Variants in UST observed in about 807,000 individuals in gnomAD.
UST encodes chondroitin sulfate 2-O-sulfotransferase.
A neutral mutation model predicts 45.6 loss-of-function variants in UST; 21 were observed. The ratio of observed to expected loss-of-function variants is 0.46; its 90% CI spans 0.33 to 0.66. The LOEUF is 0.66. Ranked by LOEUF, UST falls within the 30% of genes least tolerant of loss-of-function variation. The pLI, the probability that UST is intolerant of heterozygous loss-of-function variation, is 0.02. For synonymous variants in UST, 215 were observed against 200.6 expected (o/e 1.07, Z -0.61); for missense variants, 463 against 512.4 (o/e 0.90, Z 0.93).
chr6:149,009,560 A>AACACACACACAC (rs113280120), intron 5 of UST, among the ~76,000 whole-genome samples: 1,658 of 143,120 alleles, frequency 0.012, 28 homozygotes, highest in African/African-American at 0.033. Context: ...CTGATGTTAA[A>AACACACACACAC]ACACACACAC....
At chr6:148,878,844 T>G (rs1478818348) in intron 1 of UST, among the ~76,000 whole-genome samples, 1 of 151,444 alleles carries the variant, frequency 6.6e-6, no homozygotes, top group Non-Finnish European at 1.5e-5. Flanking sequence ...AGTATGGGGA[T>G]TATGTGTGAG....
At chr6:148,883,098 A>G (rs117413810) in intron 1 of UST, among the ~76,000 whole-genome samples, 9 of 152,370 alleles carry the variant, frequency 5.9e-5, no homozygotes, top group Non-Finnish European at 1.3e-4. Flanking sequence ...TGTAGACATA[A>G]CTGTTAAGAC....
At chr6:148,895,108 G>A (rs148781447) in intron 2 of UST, among the ~76,000 whole-genome samples, 5 of 152,022 alleles carry the variant, frequency 3.3e-5, no homozygotes, top group Non-Finnish European at 5.9e-5. Context: ...GAGCCACTGC[G>A]CCTGGCATTT....
chr6:148,987,092 G>A (rs1781251611), intron 5 of UST, among the ~76,000 whole-genome samples: 1 of 131,362 alleles, frequency 7.6e-6, no homozygotes, highest in Non-Finnish European at 1.8e-5. Flanking sequence ...ACCTCAAGAT[G>A]ACCATTTAAG....
chr6:148,969,295 G>A (rs910727739), intron 5 of UST, among the ~76,000 whole-genome samples: 1 of 152,188 alleles, frequency 6.6e-6, no homozygotes, highest in East Asian at 1.9e-4. Context: ...TGCTTTTTAA[G>A]TGTTTCAGTA....
intron 5 of UST, among the ~76,000 whole-genome samples, chr6:149,006,795 G>C (rs1331740541): frequency 1.3e-5 from 2 of 152,142 alleles, no homozygotes; most frequent in African/African-American, 4.8e-5. Context: ...ATTCTGACTG[G>C]TGTGAGATGG....
chr6:148,780,128 TACAC>T (rs34775441), intron 1 of UST, among the ~76,000 whole-genome samples: 32 of 149,592 alleles, frequency 2.1e-4, no homozygotes, highest in African/African-American at 5.9e-4. Flanking sequence ...TGTATATATA[TACAC>T]ACACACACAC....
At chr6:148,880,127 G>A (rs1374738463) in intron 1 of UST, among the ~76,000 whole-genome samples, 5 of 148,914 alleles carry the variant, frequency 3.4e-5, no homozygotes, top group Admixed American at 3.4e-4. Context: ...GCTAATTTTT[G>A]TATTTTTAGT....
At chr6:149,017,954 A>C (rs1200466823) in intron 5 of UST, among the ~76,000 whole-genome samples, 1 of 152,124 alleles carries the variant, frequency 6.6e-6, no homozygotes, top group Non-Finnish European at 1.5e-5. Context: ...GGCTGGACAG[A>C]CATATGCACC....
In UST at chr6:148,916,189, A is replaced by G. The variant is rs566424957; in HGVS notation, c.292-25090A>G. Among the ~76,000 whole-genome samples the G allele has an allele frequency of 2.0e-5, 3 of 152,222 alleles. 1 individual carries two copies. The South Asian group carries it at 6.2e-4, about 32-fold the overall frequency. ...CACTGTTTTGGGTAGTTTACATTTA[A>G]ACATCACAGGCCATAATATTGGCGT... is the stretch of plus-strand genomic sequence containing the variant. On this transcript the variant is annotated intron_variant, in intron 2 of 7. Transcript: ENST00000367463.
chr6:149,037,365 C>G (rs905255656), intron 7 of UST, among the ~76,000 whole-genome samples: 3 of 152,172 alleles, frequency 2.0e-5, no homozygotes, highest in Non-Finnish European at 2.9e-5. Context: ...GTCAGGGTTG[C>G]TGGGATCGCC....
intron 5 of UST, among the ~76,000 whole-genome samples, chr6:149,013,854 T>A (rs903800260): frequency 1.3e-5 from 2 of 152,226 alleles, no homozygotes; most frequent in African/African-American, 2.4e-5. Flanking sequence ...CCAATAAGTC[T>A]TTTTTCAGTT....
rs12179738 is a variant in UST, at chr6:148,860,433, A to G, written c.248-26553A>G. Among the ~76,000 whole-genome samples the G allele has an allele frequency of 5.4e-3, 815 of 152,324 alleles. 9 individuals are homozygous for G. The highest frequency in any genetic ancestry group is 0.018 in the African/African-American group (764 of 41,568). On this transcript the variant is annotated intron_variant, in intron 1 of 7. Transcript: ENST00000367463. ...GGTTTTCTAAATATACAGTCATGTCATCTGCAAACAGGGACAATTTGACTT... is the reference window on the plus strand; with the variant it reads ...GGTTTTCTAAATATACAGTCATGTCGTCTGCAAACAGGGACAATTTGACTT...
At chr6:148,912,895 G>A (rs9404000) in intron 2 of UST, among the ~76,000 whole-genome samples, 16,992 of 152,230 alleles carry the variant, frequency 0.11, 1,414 homozygotes, top group East Asian at 0.41. Context: ...GTTGTTATTT[G>A]AAGGATCAGT....
intron 2 of UST, among the ~76,000 whole-genome samples, chr6:148,887,666 A>T (rs1778937879): frequency 6.6e-6 from 1 of 152,266 alleles, no homozygotes; most frequent in Non-Finnish European, 1.5e-5. Context: ...ATAAGAAAAT[A>T]CATGCAATGC....
chr6:148,901,811 G>T (rs370926554), intron 2 of UST, among the ~76,000 whole-genome samples: 1 of 152,030 alleles, frequency 6.6e-6, no homozygotes, highest in African/African-American at 2.4e-5. Flanking sequence ...CACCCGCCTC[G>T]GCCTCCCAAA....
chr6:149,039,979 G>A (rs1354102145), intron 7 of UST, among the ~76,000 whole-genome samples: 1 of 152,166 alleles, frequency 6.6e-6, no homozygotes, highest in Non-Finnish European at 1.5e-5. Context: ...TGTAAAGCAT[G>A]GTTACTCACC....
At chr6:149,012,751 T>A (rs1418603556) in intron 5 of UST, among the ~76,000 whole-genome samples, 1 of 151,984 alleles carries the variant, frequency 6.6e-6, no homozygotes, top group Non-Finnish European at 1.5e-5. Context: ...ATTACATGTT[T>A]CTGTATTTTT....
At chr6:148,815,317 A>G (rs1447960482) in intron 1 of UST, among the ~76,000 whole-genome samples, 1 of 152,252 alleles carries the variant, frequency 6.6e-6, no homozygotes, top group Non-Finnish European at 1.5e-5. Flanking sequence ...ACACACATGG[A>G]AGGGATGCTG....
Sources: allele counts gnomAD v4.1 joint callset (sites outside exome capture counted in the v4.1 genomes callset), GRCh38; gene constraint gnomAD v4.1.1; transcripts MANE v1.5; gene names NCBI Gene and HGNC (gene_info 2026-07-23, HGNC 2026-07-21).